Variants in CELF2 observed in about 807,000 individuals in gnomAD.
CELF2 encodes CUG triplet repeat RNA-binding protein 2.
CELF2 carries 8 observed loss-of-function variants against 62.6 expected under a neutral mutation model. That is an observed-to-expected ratio of 0.13 (90% confidence interval 0.07 to 0.23). CELF2 has a LOEUF of 0.23. Among genes scored for constraint, CELF2 ranks in the 10% least tolerant of loss-of-function variants. The pLI, the probability that CELF2 is intolerant of heterozygous loss-of-function variation, is 1.00. For missense variants in CELF2, 333 were observed against 671.0 expected (o/e 0.50, Z 5.56); for synonymous variants, 258 against 250.0 (o/e 1.03, Z -0.30).
chr10:10,811,243 A>T (rs2055852850), intron 1 of CELF2, among the ~76,000 whole-genome samples: 1 of 152,242 alleles, frequency 6.6e-6, no homozygotes, highest in Non-Finnish European at 1.5e-5. Flanking sequence ...TTAAGTGGTC[A>T]GGACAGATTT....
intron 2 of CELF2, chr10:11,171,211 T>C (rs1462602691): frequency 6.6e-6 from 1 of 152,230 alleles, no homozygotes; most frequent in Non-Finnish European, 1.5e-5. Flanking sequence ...GCCAGAGCTT[T>C]CTGGATGGAT....
the CELF2 span, among the ~76,000 whole-genome samples, chr10:10,550,519 A>G: frequency 6.6e-6 from 1 of 152,092 alleles, no homozygotes; most frequent in Non-Finnish European, 1.5e-5. Context: ...AGGAAGAAAC[A>G]CTCAAATCTG....
the CELF2 span, among the ~76,000 whole-genome samples, chr10:10,743,136 C>T: frequency 6.6e-6 from 1 of 152,162 alleles, no homozygotes; most frequent in Non-Finnish European, 1.5e-5. Flanking sequence ...AGTTATTTCC[C>T]CACTGCAGAC....
intron 4 of CELF2, among the ~76,000 whole-genome samples, chr10:11,253,258 G>A (rs1452803124): frequency 6.6e-6 from 1 of 152,154 alleles, no homozygotes; most frequent in Non-Finnish European, 1.5e-5. Context: ...ACAATTTGCT[G>A]GGGGTCTTTA....
the CELF2 span, among the ~76,000 whole-genome samples, chr10:10,558,395 A>G: frequency 1.8e-3 from 268 of 152,130 alleles, no homozygotes; most frequent in Non-Finnish European, 3.4e-3. Flanking sequence ...CCACTTGATC[A>G]TGGTGGATAA....
intron 2 of CELF2, among the ~76,000 whole-genome samples, chr10:10,999,201 G>T (rs980271821): frequency 6.6e-6 from 1 of 152,144 alleles, no homozygotes; most frequent in Non-Finnish European, 1.5e-5. Context: ...GCAAGCCACT[G>T]AGACTAGGTA....
intron 2 of CELF2, among the ~76,000 whole-genome samples, chr10:10,965,617 T>G (rs896735264): frequency 6.6e-6 from 1 of 152,204 alleles, no homozygotes; most frequent in African/African-American, 2.4e-5. Flanking sequence ...CAAATAAATA[T>G]CATCCAAATT....
the CELF2 span, among the ~76,000 whole-genome samples, chr10:10,565,819 T>C: frequency 1.3e-5 from 2 of 152,370 alleles, no homozygotes; most frequent in African/African-American, 4.8e-5. Context: ...GTAATAGCTA[T>C]GCTTATCTAA....
At chr10:11,180,314 T>C (rs147965491) in intron 2 of CELF2, among the ~76,000 whole-genome samples, 1 of 152,280 alleles carries the variant, frequency 6.6e-6, no homozygotes, top group East Asian at 1.9e-4. Context: ...AACAGGGCCT[T>C]GGAGACTGCG....
the CELF2 span, among the ~76,000 whole-genome samples, chr10:10,491,479 C>A: frequency 6.6e-6 from 1 of 152,150 alleles, no homozygotes; most frequent in African/African-American, 2.4e-5. Flanking sequence ...TACAAACATA[C>A]GCTGGCAGCC....
the CELF2 span, among the ~76,000 whole-genome samples, chr10:10,701,307 C>G: frequency 2.0e-5 from 3 of 152,218 alleles, no homozygotes; most frequent in Admixed American, 6.5e-5. Flanking sequence ...TCCCCAGGAA[C>G]TAGGACAAGT....
chr10:10,557,923 G>T, the CELF2 span, among the ~76,000 whole-genome samples: 3 of 142,372 alleles, frequency 2.1e-5, no homozygotes, highest in African/African-American at 7.9e-5. Flanking sequence ...ATCAGCTTAA[G>T]GAGATTTTGG....
chr10:11,035,583 C>T (rs537035757), intron 1 of CELF2, among the ~76,000 whole-genome samples: 11 of 152,168 alleles, frequency 7.2e-5, no homozygotes, highest in Non-Finnish European at 1.5e-4. Context: ...TTTAATGGCC[C>T]TGGGGTGCCT....
At chr10:11,151,065 G>A (rs765712889) in intron 1 of CELF2, among the ~76,000 whole-genome samples, 2 of 152,204 alleles carry the variant, frequency 1.3e-5, no homozygotes, top group African/African-American at 2.4e-5. Context: ...TATTTAATTG[G>A]TTAGACTTGT....
chr10:10,641,184 G>A, the CELF2 span, among the ~76,000 whole-genome samples: 16 of 152,232 alleles, frequency 1.1e-4, 1 homozygote, highest in Admixed American at 5.2e-4. Flanking sequence ...GGCAGCATAC[G>A]GTTGTGGGAA....
chr10:11,074,052 A>G (rs750101087), intron 1 of CELF2, among the ~76,000 whole-genome samples: 5 of 152,208 alleles, frequency 3.3e-5, no homozygotes, highest in Non-Finnish European at 7.4e-5. Flanking sequence ...CAGAAGTTCT[A>G]AATCCTTGGA....
At chr10:10,986,023 G>T (rs1417442707) in intron 2 of CELF2, among the ~76,000 whole-genome samples, 1 of 152,158 alleles carries the variant, frequency 6.6e-6, no homozygotes, top group Non-Finnish European at 1.5e-5. Flanking sequence ...AATAAACACT[G>T]AATTTGAGAG....
In CELF2 at chr10:11,280,040, G is replaced by A. The variant is rs1052721529; in HGVS notation, c.841+4920G>A. Among the ~76,000 whole-genome samples the A allele has an allele frequency of 8.5e-5, 13 of 152,190 alleles. No individual in the cohort carries two copies. Among genetic ancestry groups the A allele is most frequent in the African/African-American group, 2.9e-4 (12 of 41,444 alleles). On this transcript the variant is annotated intron_variant, in intron 8 of 12. Transcript: ENST00000633077. This position sits in a 1 kb window ranked among gnomAD's most constrained non-coding sequence, Gnocchi z 7.6. ...CGGAAAGGAACCGTTTGCCAAGCAC[G>A]CGCCCTTGCCTCTCGGTCTGGTGCC...
Position 11,217,281 on chromosome 10 carries a change from G to C in CELF2, c.272-144G>C, listed in dbSNP as rs1409475526. 1.8e-6 allele frequency: 1 copy of C among 545,166 alleles called. No individual in the cohort carries two copies. The highest frequency in any genetic ancestry group is 3.3e-6 in the Non-Finnish European group (1 of 303,832). 33.8% of individuals were successfully genotyped at this position (545,166 alleles called of 1,614,324 possible). A position where few individuals can be genotyped will look rare whatever the true frequency, so the allele number is the denominator to read the frequency against. ...GAAAAGGTACTGTGTAAATGCTTGA[G>C]ATGTTGTTATTGCTGTTCTCATATG... On this transcript the variant is annotated intron_variant, in intron 2 of 12. Coordinates refer to ENST00000633077, the MANE Select transcript of CELF2 (RefSeq NM_001326342.2). The surrounding 1 kb of genome is among the most constrained non-coding windows in gnomAD (Gnocchi z 5.6).
Sources: allele counts gnomAD v4.1 joint callset (sites outside exome capture counted in the v4.1 genomes callset), GRCh38; gene constraint gnomAD v4.1.1; non-coding constraint Gnocchi (gnomAD v3.1); transcripts MANE v1.5; gene names NCBI Gene and HGNC (gene_info 2026-07-23, HGNC 2026-07-21).